GSG1L: variants seen among roughly 807,000 people sequenced by gnomAD.
GSG1L encodes the protein GSG1 like, also known as germ cell-specific gene 1-like protein.
In GSG1L, 24 loss-of-function variants were observed where a neutral mutation model predicts 42.1. That is an observed-to-expected ratio of 0.57 (90% CI 0.41 to 0.80). The LOEUF (loss-of-function observed/expected upper bound fraction) is 0.80. Ranked by LOEUF, GSG1L falls within the 30% of genes least tolerant of loss-of-function variation. GSG1L has a pLI of 0.00. For synonymous variants in GSG1L, 215 were observed against 203.5 expected (o/e 1.06, Z -0.48); for missense variants, 445 against 472.2 (o/e 0.94, Z 0.53).
intron 2 of GSG1L, among the ~76,000 whole-genome samples, chr16:27,938,124 A>G (rs2084740311): frequency 1.3e-5 from 2 of 152,130 alleles, no homozygotes; most frequent in South Asian, 2.1e-4. Context: ...TGCACCATGC[A>G]GAGAGGCGCC....
chr16:27,973,367 C>A (rs139320855), intron 1 of GSG1L, among the ~76,000 whole-genome samples: 2 of 141,956 alleles, frequency 1.4e-5, no homozygotes, highest in South Asian at 4.7e-4. Context: ...TCACTTGAAC[C>A]CCGGAGGTGG....
At chr16:27,999,920 C>T (rs2085563934) in intron 1 of GSG1L, among the ~76,000 whole-genome samples, 1 of 152,194 alleles carries the variant, frequency 6.6e-6, no homozygotes, top group Non-Finnish European at 1.5e-5. Context: ...AGACTAGTCA[C>T]ATGGCCATTC....
At chr16:27,948,375 CTTAT>C (rs1416525495) in intron 2 of GSG1L, among the ~76,000 whole-genome samples, 1 of 151,920 alleles carries the variant, frequency 6.6e-6, no homozygotes, top group African/African-American at 2.4e-5. Flanking sequence ...TATTCTTATT[CTTAT>C]TCTTATTACT....
chr16:28,048,235 T>C (rs940857882), intron 1 of GSG1L, among the ~76,000 whole-genome samples: 2 of 151,856 alleles, frequency 1.3e-5, no homozygotes, highest in African/African-American at 4.8e-5. Context: ...CTCAAAAATA[T>C]ATATATAACA....
intron 1 of GSG1L, among the ~76,000 whole-genome samples, chr16:28,022,530 A>C: frequency 6.6e-6 from 1 of 151,658 alleles, no homozygotes; most frequent in Non-Finnish European, 1.5e-5. Context: ...GCTGGAGTGC[A>C]ATGCTGTGAT....
chr16:27,866,407 C>T (rs959135797), intron 3 of GSG1L, among the ~76,000 whole-genome samples: 2 of 152,174 alleles, frequency 1.3e-5, no homozygotes, highest in African/African-American at 4.8e-5. Flanking sequence ...TGCACAACCC[C>T]ACCAGTAGTC....
chr16:28,020,764 C>G (rs1199470076), intron 1 of GSG1L, among the ~76,000 whole-genome samples: 1 of 152,194 alleles, frequency 6.6e-6, no homozygotes, highest in Non-Finnish European at 1.5e-5. Flanking sequence ...GGGAAGCCAG[C>G]TGCCATGTTG....
At chr16:28,025,344 G>A (rs2085888353) in intron 1 of GSG1L, among the ~76,000 whole-genome samples, 1 of 152,158 alleles carries the variant, frequency 6.6e-6, no homozygotes, top group African/African-American at 2.4e-5. Flanking sequence ...TGGCAACTCT[G>A]GGCAGGGGCC....
At chr16:28,013,631 G>A (rs1231422002) in intron 1 of GSG1L, among the ~76,000 whole-genome samples, 1 of 152,200 alleles carries the variant, frequency 6.6e-6, no homozygotes, top group East Asian at 1.9e-4. Context: ...AGGACATGAA[G>A]GAAGATGCGA....
At chr16:28,062,344 G>A (rs1357213552) in intron 1 of GSG1L, among the ~76,000 whole-genome samples, 4 of 152,170 alleles carry the variant, frequency 2.6e-5, no homozygotes. Flanking sequence ...GTCCCCCACC[G>A]AACCTAATAG....
At chr16:28,034,069 C>G (rs2085999312) in intron 1 of GSG1L, among the ~76,000 whole-genome samples, 4 of 152,032 alleles carry the variant, frequency 2.6e-5, no homozygotes, top group Admixed American at 2.6e-4. Context: ...CATCCCATCC[C>G]AACCTATTCC....
intron 3 of GSG1L, among the ~76,000 whole-genome samples, chr16:27,882,785 T>C (rs1052545826): frequency 6.6e-6 from 1 of 152,064 alleles, no homozygotes; most frequent in African/African-American, 2.4e-5. Context: ...CAAGTTAGAA[T>C]TGTCTGATGA....
intron 1 of GSG1L, among the ~76,000 whole-genome samples, chr16:28,054,150 T>C (rs1236665684): frequency 6.6e-6 from 1 of 152,152 alleles, no homozygotes; most frequent in Non-Finnish European, 1.5e-5. Flanking sequence ...ATGCACACTC[T>C]GGGAGGCCAG....
chr16:27,838,345 CCT>C (rs2083342281), intron 4 of GSG1L, among the ~76,000 whole-genome samples: 1 of 152,182 alleles, frequency 6.6e-6, no homozygotes, highest in Non-Finnish European at 1.5e-5. Flanking sequence ...TCTCCCTGTT[CCT>C]CTCACCCCCC....
intron 6 of GSG1L, among the ~76,000 whole-genome samples, chr16:27,806,894 G>A (rs953861549): frequency 6.6e-6 from 1 of 152,214 alleles, no homozygotes; most frequent in South Asian, 2.1e-4. Flanking sequence ...GGCATGAAAA[G>A]CCCTTAGTAC....
At chr16:28,058,747 G>A (rs549977924) in intron 1 of GSG1L, among the ~76,000 whole-genome samples, 1 of 151,864 alleles carries the variant, frequency 6.6e-6, no homozygotes, top group Non-Finnish European at 1.5e-5. Flanking sequence ...ATACTCCCAA[G>A]CACCAAAAAC....
intron 2 of GSG1L, among the ~76,000 whole-genome samples, chr16:27,952,886 A>G (rs1203048782): frequency 6.6e-6 from 1 of 152,226 alleles, no homozygotes; most frequent in Non-Finnish European, 1.5e-5. Context: ...ATCAAGAAAC[A>G]TAATGCTGCC....
chr16:27,831,513 G>A (rs929019676), intron 4 of GSG1L, among the ~76,000 whole-genome samples: 2 of 152,212 alleles, frequency 1.3e-5, no homozygotes, highest in Non-Finnish European at 2.9e-5. Context: ...GCTCAACCCT[G>A]ATGGCCCAGT....
At chr16:27,914,718 C>A (rs1567516787) in intron 2 of GSG1L, among the ~76,000 whole-genome samples, 1 of 151,882 alleles carries the variant, frequency 6.6e-6, no homozygotes, top group Non-Finnish European at 1.5e-5. Flanking sequence ...AAGCATTTAG[C>A]ACAAATGAGC....
Sources: gnomAD v4.1 joint callset for allele counts (sites outside exome capture counted in the v4.1 genomes callset) on GRCh38, gnomAD v4.1.1 for gene constraint, MANE v1.5 for transcripts, NCBI Gene and HGNC (gene_info 2026-07-23, HGNC 2026-07-21) for gene names.